The following PDE4B variants were observed in gnomAD, a reference collection of about 807,000 sequenced individuals.
The protein encoded by PDE4B is phosphodiesterase 4B.
In PDE4B, 20 loss-of-function variants were observed where a neutral mutation model predicts 82.2. The observed-to-expected ratio is 0.24, with a 90% CI of 0.17 to 0.35. The LOEUF (loss-of-function observed/expected upper bound fraction) is 0.35, where lower values mean the gene tolerates loss of function less well. PDE4B is among the 10% of genes least tolerant of loss of function. The pLI, the probability that PDE4B is intolerant of heterozygous loss-of-function variation, is 1.00. For synonymous variants in PDE4B, 320 were observed against 318.9 expected, an observed-to-expected ratio of 1.00 and a Z score of -0.04; for missense variants, 655 against 907.2, an observed-to-expected ratio of 0.72 and a Z score of 3.57.
At chr1:65,895,549 C>CAAAAAAA (rs10605148) in intron 1 of PDE4B, among the ~76,000 whole-genome samples, 1 of 91,998 alleles carries the variant, frequency 1.1e-5, no homozygotes, top group Non-Finnish European at 2.1e-5. Context: ...GACACTGTCT[C>CAAAAAAA]AAAAAAAAAA....
At chr1:66,213,743 G>T (rs539834843) in intron 3 of PDE4B, among the ~76,000 whole-genome samples, 2 of 152,082 alleles carry the variant, frequency 1.3e-5, no homozygotes, top group Non-Finnish European at 2.9e-5. Context: ...TTTTCACTTA[G>T]AATTTTAGAT....
At chr1:66,120,202 A>G (rs1645681811) in intron 3 of PDE4B, among the ~76,000 whole-genome samples, 1 of 152,168 alleles carries the variant, frequency 6.6e-6, no homozygotes, top group East Asian at 1.9e-4. Flanking sequence ...AGATAACATG[A>G]TCTCCAGCTC....
intron 3 of PDE4B, among the ~76,000 whole-genome samples, chr1:66,100,018 C>G (rs369060679): frequency 2.0e-5 from 3 of 152,072 alleles, no homozygotes; most frequent in East Asian, 1.9e-4. Context: ...ATTTTATTCT[C>G]TTACTCTGTT....
intron 1 of PDE4B, among the ~76,000 whole-genome samples, chr1:65,818,643 T>TAC (rs1234205554): frequency 2.8e-5 from 4 of 144,622 alleles, no homozygotes; most frequent in African/African-American, 7.6e-5. Context: ...GTTTAATACA[T>TAC]ACATATATAT....
intron 3 of PDE4B, among the ~76,000 whole-genome samples, chr1:65,929,345 C>T (rs756267815): frequency 1.3e-5 from 2 of 152,176 alleles, no homozygotes; most frequent in South Asian, 2.1e-4. Context: ...AAAAAAGATT[C>T]ATCAGAGTTT....
At chr1:66,229,393 T>C (rs367655804) in intron 3 of PDE4B, among the ~76,000 whole-genome samples, 3 of 152,298 alleles carry the variant, frequency 2.0e-5, no homozygotes, top group East Asian at 1.9e-4. Flanking sequence ...GACATAAAGA[T>C]TGTGTGAGCC....
intron 1 of PDE4B, among the ~76,000 whole-genome samples, chr1:65,866,577 C>T (rs1238703133): frequency 6.6e-6 from 1 of 152,050 alleles, no homozygotes; most frequent in Non-Finnish European, 1.5e-5. Flanking sequence ...ACAAAACTAA[C>T]TGACAAAATA....
intron 4 of PDE4B, among the ~76,000 whole-genome samples, chr1:66,249,611 C>G (rs1570555050): frequency 6.6e-6 from 1 of 152,284 alleles, no homozygotes; most frequent in African/African-American, 2.4e-5. Context: ...TCCAGCATCC[C>G]TGTTACTGGT....
chr1:66,025,942 A>G (rs1238747474), intron 3 of PDE4B, among the ~76,000 whole-genome samples: 1 of 152,202 alleles, frequency 6.6e-6, no homozygotes, highest in African/African-American at 2.4e-5. Context: ...TTTAGTTTCA[A>G]TTTTGAAGAA....
chr1:66,347,112 G>A (rs1478509168), intron 8 of PDE4B, among the ~76,000 whole-genome samples: 2 of 152,078 alleles, frequency 1.3e-5, no homozygotes, highest in Non-Finnish European at 1.5e-5. Flanking sequence ...CACTGGTAAG[G>A]CAAACCTGCA....
chr1:66,202,939 GC>G (rs1163547293), intron 3 of PDE4B, among the ~76,000 whole-genome samples: 2 of 151,790 alleles, frequency 1.3e-5, no homozygotes, highest in African/African-American at 4.8e-5. Flanking sequence ...TTTCTTCCTA[GC>G]CTTGATGGTC....
chr1:66,355,890 G>C (rs1182503528), intron 9 of PDE4B, among the ~76,000 whole-genome samples: 2 of 152,162 alleles, frequency 1.3e-5, no homozygotes, highest in Non-Finnish European at 2.9e-5. Flanking sequence ...CACCTTGTCT[G>C]CCTGCCTACT....
chr1:66,188,433 GGT>G (rs752585866), intron 3 of PDE4B, among the ~76,000 whole-genome samples: 65 of 151,834 alleles, frequency 4.3e-4, no homozygotes, highest in Non-Finnish European at 8.7e-4. Context: ...TTGACAGTGG[GGT>G]GTTAAAGTCT....
intron 3 of PDE4B, among the ~76,000 whole-genome samples, chr1:66,099,681 C>T (rs1170562392): frequency 6.6e-6 from 1 of 152,034 alleles, no homozygotes; most frequent in Non-Finnish European, 1.5e-5. Flanking sequence ...AGCTAGTGAA[C>T]ATATGCAAGA....
intron 1 of PDE4B, among the ~76,000 whole-genome samples, chr1:65,884,817 A>G (rs902445471): frequency 7.2e-5 from 11 of 152,246 alleles, no homozygotes; most frequent in South Asian, 4.1e-4. Context: ...CTTCATGTCT[A>G]AAACACCAAA....
chr1:66,315,546 C>T (rs988056091), intron 7 of PDE4B, among the ~76,000 whole-genome samples: 1 of 152,164 alleles, frequency 6.6e-6, no homozygotes, highest in Non-Finnish European at 1.5e-5. Context: ...ACCTCCGCCT[C>T]GTGGGTTCAA....
At chr1:66,223,286 C>A (rs1048964366) in intron 3 of PDE4B, among the ~76,000 whole-genome samples, 1 of 152,122 alleles carries the variant, frequency 6.6e-6, no homozygotes. Context: ...AGACAGAACA[C>A]CCTCAAGGAG....
At position 65,823,679 on chromosome 1, in the gene PDE4B, T is replaced by C. The variant is rs112004532; in HGVS notation, c.-71+30431T>C. 2.1e-4 allele frequency among the ~76,000 whole-genome samples: 32 copies of C among 152,310 alleles called. 1 individual carries two copies. The highest frequency in any genetic ancestry group is 7.7e-4 in the African/African-American group (32 of 41,556). ...TCATCTAACTCCCTTGTTCAGAATA[T>C]TGGTGACTTCCACTTGCCTGCAAGT... On this transcript the variant is annotated intron_variant, in intron 1 of 16. Transcript: ENST00000341517.
chr1:66,343,992 T>C (rs1661212461), intron 8 of PDE4B, among the ~76,000 whole-genome samples: 1 of 152,110 alleles, frequency 6.6e-6, no homozygotes. Flanking sequence ...ACTAATGAAA[T>C]GGACTCCAAC....
Sources: gnomAD v4.1 joint callset for allele counts (sites outside exome capture counted in the v4.1 genomes callset) on GRCh38, gnomAD v4.1.1 for gene constraint, MANE v1.5 for transcripts, NCBI Gene and HGNC (gene_info 2026-07-23, HGNC 2026-07-21) for gene names.